The following PCDHA8 variants were observed in gnomAD, a reference collection of about 807,000 sequenced individuals.
PCDHA8 encodes protocadherin alpha-8.
A neutral mutation model predicts 61.8 loss-of-function variants in PCDHA8; 53 were observed. That is an observed-to-expected ratio of 0.86 (90% CI 0.69 to 1.08). PCDHA8 has a LOEUF of 1.08. PCDHA8 is among the 50% of genes least tolerant of loss of function. The pLI is 0.00. For synonymous variants in PCDHA8, 618 were observed against 556.6 expected (o/e 1.11, Z -1.55); for missense variants, 1,293 against 1,245.0 (o/e 1.04, Z -0.58).
At chr5:140,965,030 C>A (rs2095870201) in intron 1 of PCDHA8, among the ~76,000 whole-genome samples, 1 of 152,166 alleles carries the variant, frequency 6.6e-6, no homozygotes, top group East Asian at 1.9e-4. Flanking sequence ...GCTCCTTTAA[C>A]TGTCCGCTCT....
rs143060335 is a variant in PCDHA8 at position 140,868,584 on chromosome 5, G to A, written c.2394+24869G>A. 748 of 153,118 alleles carry A rather than the reference G, an allele frequency of 4.9e-3. 7 individuals carry two copies. Among genetic ancestry groups the A allele is most frequent in the African/African-American group, 0.016 (680 of 41,552 alleles). The allele number at this position is 153,118 out of a possible 1,614,324, so 9.5% of individuals were successfully genotyped here. A position where few individuals can be genotyped will look rare whatever the true frequency, so the allele number is the denominator to read the frequency against. Reference sequence around the variant, plus strand: ...ATGAGGAACAACACTTTCAGGAAATGTTTAACCCTAGTTTTTCATGAGGCC... The same window carrying A: ...ATGAGGAACAACACTTTCAGGAAATATTTAACCCTAGTTTTTCATGAGGCC... On this transcript the variant is annotated intron_variant, in intron 1 of 3. Transcript: ENST00000531613.
chr5:141,001,378 C>T (rs889628264), intron 3 of PCDHA8, among the ~76,000 whole-genome samples: 20 of 152,166 alleles, frequency 1.3e-4, no homozygotes, highest in African/African-American at 4.8e-4. Flanking sequence ...GATTACAGAG[C>T]CTAAGATCCT....
intron 1 of PCDHA8, among the ~76,000 whole-genome samples, chr5:140,970,865 T>C (rs1255232385): frequency 6.6e-6 from 1 of 152,180 alleles, no homozygotes; most frequent in Non-Finnish European, 1.5e-5. Context: ...CCATTCCTGA[T>C]TGAGAGTAGA....
intron 1 of PCDHA8, among the ~76,000 whole-genome samples, chr5:140,894,577 T>A (rs1409232453): frequency 4.6e-5 from 7 of 152,030 alleles, no homozygotes; most frequent in African/African-American, 9.6e-5. Flanking sequence ...TCCTTTTTTT[T>A]AATATTTTAC....
At chr5:140,890,226 G>C (rs1339541830) in intron 1 of PCDHA8, among the ~76,000 whole-genome samples, 7 of 152,100 alleles carry the variant, frequency 4.6e-5, no homozygotes, top group Admixed American at 4.6e-4. Context: ...AGACCTAGTT[G>C]TTAAGCATTT....
intron 1 of PCDHA8, among the ~76,000 whole-genome samples, chr5:140,872,165 CT>C (rs781807025): frequency 1.6e-3 from 233 of 143,900 alleles, no homozygotes; most frequent in Middle Eastern, 3.6e-3. Context: ...ATTTACTTTT[CT>C]TTTTTTTTTT....
intron 1 of PCDHA8, chr5:140,863,098 A>C (rs781829362): frequency 1.7e-6 from 1 of 578,270 alleles, no homozygotes; most frequent in Non-Finnish European, 3.4e-6. Context: ...CACGACGAGT[A>C]CCCTGGACGA....
chr5:140,871,113 G>C, intron 1 of PCDHA8: 1 of 1,613,306 alleles, frequency 6.2e-7, no homozygotes. Flanking sequence ...CGTTGGTGGA[G>C]AGCGGACAGG....
chr5:141,002,095 C>G (rs1341792848), intron 3 of PCDHA8, among the ~76,000 whole-genome samples: 1 of 152,234 alleles, frequency 6.6e-6, no homozygotes, highest in Non-Finnish European at 1.5e-5. Flanking sequence ...AGTCCAGGGG[C>G]TGGGCCGGAA....
chr5:140,905,843 T>C (rs1554192236), intron 1 of PCDHA8, among the ~76,000 whole-genome samples: 1 of 152,126 alleles, frequency 6.6e-6, no homozygotes, highest in South Asian at 2.1e-4. Flanking sequence ...GGGAGTTTAT[T>C]AAGGAGTATT....
chr5:140,846,341 G>GCTTTCTCT lies in PCDHA8; in HGVS notation c.2394+2627_2394+2634dup, dbSNP rs1176165668. On this transcript the variant is annotated intron_variant, in intron 1 of 3. Coordinates refer to ENST00000531613, the MANE Select transcript of PCDHA8 (RefSeq NM_018911.3). ...AGTGTTGTAAATAGCCTTTTAAAGTGCTTTCTCTTTTTTCTTTTCTTTTCT... is the reference window on the plus strand; with the variant it reads ...AGTGTTGTAAATAGCCTTTTAAAGTGCTTTCTCTCTTTCTCTTTTTTCTTTTCTTTTCT... Among the ~76,000 whole-genome samples, 20 of 144,650 alleles carry GCTTTCTCT rather than the reference G, an allele frequency of 1.4e-4. 2 individuals carry two copies. Among genetic ancestry groups the GCTTTCTCT allele is most frequent in the Non-Finnish European group, 1.5e-5 (1 of 64,996 alleles). 94.9% of individuals were successfully genotyped at this position (144,650 alleles called of 152,430 possible). A position where few individuals can be genotyped will look rare whatever the true frequency, so the allele number is the denominator to read the frequency against.
At chr5:140,948,563 A>AT (rs1400147953) in intron 1 of PCDHA8, among the ~76,000 whole-genome samples, 1 of 151,546 alleles carries the variant, frequency 6.6e-6, no homozygotes, top group African/African-American at 2.4e-5. Flanking sequence ...GTTAAGTTGT[A>AT]TTTTTTAAAG....
Position 140,876,717 on chromosome 5 carries a change from C to T in PCDHA8, c.2394+33002C>T, listed in dbSNP as rs377702421. ...TGGTGCTGGACAGCGCCCTGGACCG[C>T]GAGAGCGTGTCGGCCTATGAGCTGG... On this transcript the variant is annotated intron_variant, in intron 1 of 3. Coordinates refer to ENST00000531613, the MANE Select transcript of PCDHA8 (RefSeq NM_018911.3). The T allele has an allele frequency of 3.7e-6, 6 of 1,614,118 alleles. No homozygotes were observed. The African/African-American group carries it at 5.3e-5, about 14-fold the overall frequency.
At chr5:140,896,811 T>G (rs2065758053) in intron 1 of PCDHA8, among the ~76,000 whole-genome samples, 1 of 152,266 alleles carries the variant, frequency 6.6e-6, no homozygotes, top group African/African-American at 2.4e-5. Flanking sequence ...GGTTGTCTGT[T>G]TACTCTGTTC....
chr5:140,991,707 A>G (rs1436655429), intron 3 of PCDHA8, among the ~76,000 whole-genome samples: 1 of 152,158 alleles, frequency 6.6e-6, no homozygotes, highest in Non-Finnish European at 1.5e-5. Flanking sequence ...TAATATGCAT[A>G]TTGCTACTAG....
intron 1 of PCDHA8, among the ~76,000 whole-genome samples, chr5:140,874,018 G>T (rs1033387450): frequency 1.3e-5 from 2 of 152,114 alleles, no homozygotes; most frequent in Admixed American, 1.3e-4. Context: ...TTTTGAAAAT[G>T]AAAAATAGGA....
At chr5:140,900,924 A>C (rs553059638) in intron 1 of PCDHA8, among the ~76,000 whole-genome samples, 1 of 152,216 alleles carries the variant, frequency 6.6e-6, no homozygotes, top group South Asian at 2.1e-4. Flanking sequence ...ATGATATCTC[A>C]TTGTAGTTTT....
chr5:140,856,541 G>T lies in PCDHA8; in HGVS notation c.2394+12826G>T, dbSNP rs1554148841. 5.0e-6 allele frequency: 8 copies of T among 1,598,164 alleles called. 2 individuals carry two copies. Among genetic ancestry groups the T allele is most frequent in the South Asian group, 4.4e-5 (4 of 90,522 alleles). On this transcript the variant is annotated intron_variant, in intron 1 of 3. Transcript: ENST00000531613. ...ATCTGATGCGGATGTTGGAGAGAAC[G>T]CATTGCTTACTTACAAACTCAGTCC...
intron 3 of PCDHA8, among the ~76,000 whole-genome samples, chr5:140,995,850 C>T (rs924455609): frequency 3.9e-5 from 6 of 152,080 alleles, no homozygotes; most frequent in African/African-American, 1.4e-4. Context: ...ACATTTCTAT[C>T]GTATCACTTA....
Sources: gnomAD v4.1 joint callset for allele counts (sites outside exome capture counted in the v4.1 genomes callset) on GRCh38, gnomAD v4.1.1 for gene constraint, MANE v1.5 for transcripts, NCBI Gene and HGNC (gene_info 2026-07-23, HGNC 2026-07-21) for gene names.